Variants in GRIK2 observed in about 807,000 individuals in gnomAD.
GRIK2 encodes glutamate receptor ionotropic, kainate 2.
A neutral mutation model predicts 100.3 loss-of-function variants in GRIK2; 32 were observed. That is an observed-to-expected ratio of 0.32 (90% CI 0.24 to 0.43). The LOEUF (loss-of-function observed/expected upper bound fraction) is 0.43, where lower values mean the gene tolerates loss of function less well. Among genes scored for constraint, GRIK2 ranks in the 20% least tolerant of loss-of-function variants. GRIK2 has a pLI of 1.00. For synonymous variants in GRIK2, 417 were observed against 389.4 expected, an observed-to-expected ratio of 1.07 and a Z score of -0.83; for missense variants, 843 against 1,114.9, an observed-to-expected ratio of 0.76 and a Z score of 3.47.
At chr6:101,762,219 G>C (rs1777764520) in intron 7 of GRIK2, among the ~76,000 whole-genome samples, 1 of 151,172 alleles carries the variant, frequency 6.6e-6, no homozygotes, top group Non-Finnish European at 1.5e-5. Context: ...CTGTTGCCCA[G>C]GCTAGAGTAG....
chr6:101,783,400 C>A (rs2128403009), intron 7 of GRIK2, among the ~76,000 whole-genome samples: 1 of 152,252 alleles, frequency 6.6e-6, no homozygotes, highest in South Asian at 2.1e-4. Flanking sequence ...TTCCTGAGGC[C>A]TCTCCAGTCA....
chr6:101,608,064 A>G (rs1337954523), intron 2 of GRIK2, among the ~76,000 whole-genome samples: 2 of 151,824 alleles, frequency 1.3e-5, no homozygotes, highest in African/African-American at 4.8e-5. Context: ...ACTTAAAATT[A>G]CTGGTTAGTA....
chr6:101,409,235 T>C (rs1225356631), intron 2 of GRIK2, among the ~76,000 whole-genome samples: 2 of 151,890 alleles, frequency 1.3e-5, no homozygotes, highest in Non-Finnish European at 2.9e-5. Flanking sequence ...TACCATTGTG[T>C]TCTGATTGCC....
At chr6:101,469,395 T>C (rs1348139700) in intron 2 of GRIK2, among the ~76,000 whole-genome samples, 2 of 152,184 alleles carry the variant, frequency 1.3e-5, no homozygotes, top group African/African-American at 4.8e-5. Context: ...CAATATGATT[T>C]CTTTTCTTCT....
chr6:101,713,033 A>T (rs768902782), intron 7 of GRIK2, among the ~76,000 whole-genome samples: 7 of 151,788 alleles, frequency 4.6e-5, no homozygotes, highest in Non-Finnish European at 8.8e-5. Context: ...CTAATTTTTC[A>T]TTTTACAATG....
At chr6:101,686,588 G>T (rs1232383458) in intron 7 of GRIK2, among the ~76,000 whole-genome samples, 2 of 151,970 alleles carry the variant, frequency 1.3e-5, no homozygotes, top group Non-Finnish European at 2.9e-5. Context: ...TATCACCAGG[G>T]TACTACAACA....
chr6:101,405,471 ACTTTT>A (rs1168720380), intron 2 of GRIK2, among the ~76,000 whole-genome samples: 2 of 152,104 alleles, frequency 1.3e-5, no homozygotes, highest in Admixed American at 6.6e-5. Flanking sequence ...AGAAAATTTG[ACTTTT>A]CTTTTAAAAT....
In GRIK2 at chr6:101,619,197, A is replaced by G. The variant is rs1042530665; in HGVS notation, c.116-2752A>G. ...ACATACAAGGGGTAATAAGCTATTC[A>G]TGATTTATCTCTTTTCTTTAGTTAA... On this transcript the variant is annotated intron_variant, in intron 2 of 16. Coordinates refer to ENST00000369134, the MANE Select transcript of GRIK2 (RefSeq NM_021956.5). 1.9e-4 allele frequency among the ~76,000 whole-genome samples: 28 copies of G among 151,224 alleles called. 1 individual carries two copies. The highest frequency in any genetic ancestry group is 6.6e-4 in the Admixed American group (10 of 15,104).
At chr6:101,860,055 C>CTT (rs1334663006) in intron 11 of GRIK2, among the ~76,000 whole-genome samples, 2 of 151,894 alleles carry the variant, frequency 1.3e-5, no homozygotes, top group Non-Finnish European at 2.9e-5. Context: ...TTGTCACCTT[C>CTT]TTATTCTCCA....
chr6:101,979,367 C>T (rs1374485033), intron 14 of GRIK2, among the ~76,000 whole-genome samples: 1 of 151,802 alleles, frequency 6.6e-6, no homozygotes, highest in Non-Finnish European at 1.5e-5. Context: ...AGTCAATATC[C>T]CATGATATTG....
At chr6:101,955,907 GT>G (rs1582610930) in intron 14 of GRIK2, among the ~76,000 whole-genome samples, 1 of 151,676 alleles carries the variant, frequency 6.6e-6, no homozygotes, top group African/African-American at 2.4e-5. Context: ...TTTCATTCTA[GT>G]TTTTATTATT....
chr6:101,950,689 G>GT (rs1275948686), intron 14 of GRIK2, among the ~76,000 whole-genome samples: 5 of 151,840 alleles, frequency 3.3e-5, no homozygotes, highest in Admixed American at 2.0e-4. Context: ...CTATTTTTTT[G>GT]TTTTTCATTT....
chr6:102,009,730 C>T (rs974030622), intron 14 of GRIK2, among the ~76,000 whole-genome samples: 10 of 152,064 alleles, frequency 6.6e-5, no homozygotes, highest in Admixed American at 2.6e-4. Flanking sequence ...CAAACTCTTA[C>T]GGTGTAAACT....
At chr6:101,942,018 A>T (rs184420774) in intron 14 of GRIK2, among the ~76,000 whole-genome samples, 24 of 152,254 alleles carry the variant, frequency 1.6e-4, no homozygotes, top group Admixed American at 1.2e-3. Flanking sequence ...ACAGCTATTA[A>T]ATATTAATTT....
chr6:101,869,998 C>G (rs116438069), intron 11 of GRIK2, among the ~76,000 whole-genome samples: 1,570 of 152,044 alleles, frequency 0.01, 44 homozygotes, highest in African/African-American at 0.035. Flanking sequence ...CCAGTAGGTA[C>G]AGGACTTATT....
At chr6:101,432,133 T>C (rs1267129974) in intron 2 of GRIK2, among the ~76,000 whole-genome samples, 1 of 152,174 alleles carries the variant, frequency 6.6e-6, no homozygotes, top group East Asian at 1.9e-4. Context: ...TACCCCATGC[T>C]CTCATATTTG....
chr6:101,606,948 A>C (rs1431581546), intron 2 of GRIK2, among the ~76,000 whole-genome samples: 1 of 151,964 alleles, frequency 6.6e-6, no homozygotes, highest in Non-Finnish European at 1.5e-5. Context: ...CTGTGTCACA[A>C]ACAGGTATGT....
chr6:101,524,665 C>T (rs1775056969), intron 2 of GRIK2, among the ~76,000 whole-genome samples: 1 of 151,198 alleles, frequency 6.6e-6, no homozygotes, highest in South Asian at 2.1e-4. Flanking sequence ...CAATATTTTA[C>T]AAATTGATTC....
intron 4 of GRIK2, among the ~76,000 whole-genome samples, chr6:101,630,332 A>G (rs1374590377): frequency 6.6e-6 from 1 of 152,034 alleles, no homozygotes; most frequent in Non-Finnish European, 1.5e-5. Flanking sequence ...TTCCCACCAA[A>G]CTGTACAAGC....
Sources: gnomAD v4.1 joint callset for allele counts (sites outside exome capture counted in the v4.1 genomes callset) on GRCh38, gnomAD v4.1.1 for gene constraint, MANE v1.5 for transcripts, NCBI Gene and HGNC (gene_info 2026-07-23, HGNC 2026-07-21) for gene names.